XRN2: variants seen among roughly 807,000 people sequenced by gnomAD.
XRN2 encodes 5'-3' exoribonuclease 2, also known as DHM1-like protein.
In XRN2, 44 loss-of-function variants were observed where a neutral mutation model predicts 138.5. That is an observed-to-expected ratio of 0.32 (90% CI 0.25 to 0.41). XRN2 has a LOEUF of 0.41. Ranked by LOEUF, XRN2 falls within the 10% of genes least tolerant of loss-of-function variation. The pLI is 1.00. For synonymous variants in XRN2, 354 were observed against 369.4 expected, an observed-to-expected ratio of 0.96 and a Z score of 0.48; for missense variants, 937 against 1,169.3, an observed-to-expected ratio of 0.80 and a Z score of 2.90.
At position 21,377,264 on chromosome 20, in the gene XRN2, C is replaced by CTTTTTTTTTTTTTTCTTTT. The variant is rs761622310; in HGVS notation, c.2585-4716_2585-4715insCTTTTTTTTTTTTTTTTTT. On this transcript the variant is annotated intron_variant, in intron 27 of 29. Transcript: ENST00000377191. ...CCAACATATGATTTGTCGGTTTTTT[C>CTTTTTTTTTTTTTTCTTTT]TTTTTTTTTTTTTTGGTCAGTCTTG... Among the ~76,000 whole-genome samples, 28 of 82,796 alleles carry CTTTTTTTTTTTTTTCTTTT rather than the reference C, an allele frequency of 3.4e-4. 3 individuals carry two copies. Among genetic ancestry groups the CTTTTTTTTTTTTTTCTTTT allele is most frequent in the African/African-American group, 1.4e-3 (27 of 18,680 alleles). The allele number at this position is 82,796 out of a possible 152,430, so 54.3% of individuals were successfully genotyped here. A position where few individuals can be genotyped will look rare whatever the true frequency, so the allele number is the denominator to read the frequency against.
chr20:21,305,795 G>A lies in XRN2; in HGVS notation c.75+2322G>A, dbSNP rs146452754. On this transcript the variant is annotated intron_variant, in intron 1 of 29. Coordinates refer to ENST00000377191, the MANE Select transcript of XRN2 (RefSeq NM_012255.5). ...GAGCCTCGCTCTGTCTCCCAGGCTG[G>A]AGTGCAGTGGCTCAATCAATCTCGG... 4.6e-3 allele frequency among the ~76,000 whole-genome samples: 299 copies of A among 64,780 alleles called. 75 individuals are homozygous for A. Among genetic ancestry groups the A allele is most frequent in the African/African-American group, 0.012 (291 of 23,564 alleles). The allele number at this position is 64,780 out of a possible 152,430, so 42.5% of individuals were successfully genotyped here. A position where few individuals can be genotyped will look rare whatever the true frequency, so the allele number is the denominator to read the frequency against.
chr20:21,343,447 TTTTA>T (rs1200244035), intron 15 of XRN2, among the ~76,000 whole-genome samples: 1 of 151,980 alleles, frequency 6.6e-6, no homozygotes, highest in African/African-American at 2.4e-5. Flanking sequence ...ACTAATAGAT[TTTTA>T]TTTGTTGATT....
rs1428350995 is a variant in XRN2 at position 21,305,904 on chromosome 20, C to G, written c.75+2431C>G. ...AGCTGGGACTACAGGCGCCCGCCAC[C>G]ACGCCTGGCTAATTTTTTTGTACTT... On this transcript the variant is annotated intron_variant, in intron 1 of 29. Coordinates refer to ENST00000377191, the MANE Select transcript of XRN2 (RefSeq NM_012255.5). Among the ~76,000 whole-genome samples the G allele has an allele frequency of 5.6e-4, 39 of 69,836 alleles. 11 individuals carry two copies. Among genetic ancestry groups the G allele is most frequent in the African/African-American group, 1.3e-3 (32 of 25,508 alleles). The allele number at this position is 69,836 out of a possible 152,430, so 45.8% of individuals were successfully genotyped here.
chr20:21,358,058 GGGA>G (rs2038596587), intron 24 of XRN2, among the ~76,000 whole-genome samples: 1 of 152,140 alleles, frequency 6.6e-6, no homozygotes, highest in East Asian at 1.9e-4. Context: ...TTAGGCAAGT[GGGA>G]GGTAAAGAGT....
At position 21,331,749 on chromosome 20, in the gene XRN2, A is replaced by T; in HGVS notation, c.650-19A>T. ...GTATATAATATATTAATATAAATAC[A>T]TGTTTCTCTCTTGTTTAGCCCAGCC... On this transcript the variant is annotated intron_variant, in intron 7 of 29. Transcript: ENST00000377191. 6.2e-7 allele frequency: 1 copy of T among 1,601,182 alleles called. No homozygotes were observed. Among genetic ancestry groups the T allele is most frequent in the Non-Finnish European group, 8.5e-7 (1 of 1,175,906 alleles).
intron 1 of XRN2, among the ~76,000 whole-genome samples, chr20:21,324,318 C>T (rs2038091392): frequency 6.6e-6 from 1 of 152,108 alleles, no homozygotes; most frequent in Non-Finnish European, 1.5e-5. Flanking sequence ...CTAAGTGCAA[C>T]TTGAAGCCCA....
At chr20:21,334,037 T>C in intron 12 of XRN2, 41 bp from the exon 13 acceptor site, 1 of 1,613,922 alleles carries the variant, frequency 6.2e-7, no homozygotes, top group Non-Finnish European at 8.5e-7. Flanking sequence ...AGTATTTGCT[T>C]TTATAAGAAG....
intron 1 of XRN2, chr20:21,303,956 G>C: frequency 1.4e-6 from 1 of 740,630 alleles, no homozygotes; most frequent in Non-Finnish European, 1.6e-6. Context: ...CAATTGTGCC[G>C]GAAAGGTTTT....
At chr20:21,370,876 T>G (rs554454551) in intron 27 of XRN2, among the ~76,000 whole-genome samples, 1 of 152,334 alleles carries the variant, frequency 6.6e-6, no homozygotes, top group African/African-American at 2.4e-5. Context: ...TGCCAGTGTT[T>G]GTTTCTCAAA....
intron 27 of XRN2, among the ~76,000 whole-genome samples, chr20:21,370,263 T>A (rs1457258092): frequency 6.6e-6 from 1 of 152,218 alleles, no homozygotes; most frequent in Non-Finnish European, 1.5e-5. Context: ...TATTGCTCTG[T>A]AGTATAATTT....
chr20:21,325,185 G>C (rs920992863), intron 1 of XRN2, among the ~76,000 whole-genome samples: 2 of 152,136 alleles, frequency 1.3e-5, no homozygotes, highest in Non-Finnish European at 2.9e-5. Flanking sequence ...AGTTTTTGCT[G>C]TTACAAGTGA....
chr20:21,354,723 CA>C, intron 20 of XRN2, 65 bp from the exon 21 acceptor site: 1 of 1,430,328 alleles, frequency 7.0e-7, no homozygotes, highest in Non-Finnish European at 9.8e-7. Flanking sequence ...TCATTTCGAG[CA>C]ATGATAAGTT....
At chr20:21,363,891 A>G (rs2038664885) in intron 24 of XRN2, among the ~76,000 whole-genome samples, 1 of 152,214 alleles carries the variant, frequency 6.6e-6, no homozygotes, top group African/African-American at 2.4e-5. Context: ...AGTCTGTTGT[A>G]TATATGTTTC....
chr20:21,351,057 T>G (rs924373414), intron 20 of XRN2, among the ~76,000 whole-genome samples: 3 of 152,254 alleles, frequency 2.0e-5, no homozygotes, highest in African/African-American at 4.8e-5. Flanking sequence ...TTTTTGTGTT[T>G]GTTAAATAAG....
intron 28 of XRN2, among the ~76,000 whole-genome samples, chr20:21,382,622 G>A (rs908768145): frequency 2.0e-5 from 3 of 152,188 alleles, no homozygotes; most frequent in Non-Finnish European, 4.4e-5. Context: ...TGAATTAAAC[G>A]CAGAAGGGAC....
At chr20:21,359,042 C>T (rs1568589720) in intron 24 of XRN2, among the ~76,000 whole-genome samples, 1 of 152,156 alleles carries the variant, frequency 6.6e-6, no homozygotes, top group Non-Finnish European at 1.5e-5. Flanking sequence ...CAAGGGCCTT[C>T]CTGCCTAACC....
intron 29 of XRN2, 91 bp downstream of exon 29, chr20:21,387,097 G>GA: frequency 1.3e-6 from 2 of 1,504,078 alleles, no homozygotes; most frequent in Non-Finnish European, 9.0e-7. Flanking sequence ...CATTTCTGGA[G>GA]AAGACACTGA....
At chr20:21,371,008 T>C (rs2038755545) in intron 27 of XRN2, among the ~76,000 whole-genome samples, 1 of 152,144 alleles carries the variant, frequency 6.6e-6, no homozygotes, top group South Asian at 2.1e-4. Context: ...GAGTGTCATA[T>C]CATTAAAACA....
intron 23 of XRN2, among the ~76,000 whole-genome samples, chr20:21,356,966 G>A (rs906368401): frequency 9.9e-5 from 15 of 152,234 alleles, no homozygotes; most frequent in African/African-American, 2.9e-4. Context: ...TCTCTTGAGT[G>A]CACAGTGGAG....
Sources: allele counts gnomAD v4.1 joint callset (sites outside exome capture counted in the v4.1 genomes callset), GRCh38; gene constraint gnomAD v4.1.1; transcripts MANE v1.5; gene names NCBI Gene and HGNC (gene_info 2026-07-23, HGNC 2026-07-21).